The following PGA3 variants were observed in gnomAD, a reference collection of about 807,000 sequenced individuals.
The protein encoded by PGA3 is pepsin A-3.
A neutral mutation model predicts 15.6 loss-of-function variants in PGA3; 1 was observed. The ratio of observed to expected loss-of-function variants is 0.06; its 90% CI spans 0.02 to 0.30. PGA3 has a LOEUF of 0.30. PGA3 is among the 10% of genes least tolerant of loss of function. PGA3 has a pLI of 1.00. For missense variants in PGA3, 29 were observed against 183.7 expected (o/e 0.16, Z 4.87); for synonymous variants, 14 against 79.5 (o/e 0.18, Z 4.38).
chr11:61,204,844 G>T (rs1482708359), intron 2 of PGA3: 1 of 165,146 alleles, frequency 6.1e-6, no homozygotes, highest in East Asian at 1.7e-4. Flanking sequence ...GAGCCGAGGG[G>T]TGGACGCAGA....
At chr11:61,211,682 T>C (rs1379228664) in intron 8 of PGA3, among the ~76,000 whole-genome samples, 3 of 150,352 alleles carry the variant, frequency 2.0e-5, no homozygotes, top group African/African-American at 4.9e-5. Flanking sequence ...AGGATTCTAT[T>C]TGGACCCCTG....
At chr11:61,212,021 C>T (rs370384636) in intron 8 of PGA3, 5,305 of 335,304 alleles carry the variant, frequency 0.016, 19 homozygotes, top group African/African-American at 0.041. Flanking sequence ...ACTCATGTTA[C>T]TCAACAAGAA....
intron 2 of PGA3, chr11:61,204,551 A>T (rs908454657): frequency 1.9e-5 from 10 of 536,146 alleles, no homozygotes; most frequent in Non-Finnish European, 3.1e-5. Flanking sequence ...GAGCAAACTC[A>T]TAGCCTAGGA....
chr11:61,207,343 C>G, intron 3 of PGA3, among the ~76,000 whole-genome samples, 154 bp from the exon 4 acceptor site: 1 of 139,966 alleles, frequency 7.1e-6, no homozygotes, highest in Non-Finnish European at 1.7e-5. Flanking sequence ...AGGACAGAAC[C>G]TGGGGTCTCT....
intron 2 of PGA3, chr11:61,205,889 T>A (rs1853921649): frequency 1.1e-5 from 1 of 89,790 alleles, no homozygotes; most frequent in Admixed American, 1.1e-4. Flanking sequence ...CTCAGCTACT[T>A]GGGAGGTTGA....
rs1853944452 is a variant in PGA3, at chr11:61,211,390, C to T, written c.972C>T (p.Ile324=). 2 of 1,280,350 alleles carry T rather than the reference C, an allele frequency of 1.6e-6. No individual in the cohort carries two copies. Among genetic ancestry groups the T allele is most frequent in the African/African-American group, 3.0e-5 (2 of 67,452 alleles). 79.3% of individuals were successfully genotyped at this position (1,280,350 alleles called of 1,614,324 possible). A position where few individuals can be genotyped will look rare whatever the true frequency, so the allele number is the denominator to read the frequency against. The change falls in exon 8 of 9, where the codon ATC becomes ATT. Residue 324 remains isoleucine (I), a synonymous_variant. Transcript: ENST00000325558. ...ISSLPDIVFT[I]NGVQYPVPPS... ...GCCTGCCCGACATCGTCTTCACCAT[C>T]AATGGAGTCCAGTACCCCGTGCCAC...
At chr11:61,203,818 G>C (rs2134691775) in intron 1 of PGA3, 198 bp downstream of exon 1, 2 of 880,888 alleles carry the variant, frequency 2.3e-6, no homozygotes, top group East Asian at 5.1e-5. Context: ...GTGGTTCCCA[G>C]CTCCAGCCCT....
chr11:61,205,276 G>T (rs1360912974), intron 2 of PGA3, among the ~76,000 whole-genome samples: 2 of 151,826 alleles, frequency 1.3e-5, no homozygotes, highest in Non-Finnish European at 1.5e-5. Flanking sequence ...GGCTTAATTA[G>T]CGCATTTATT....
Position 61,211,637 on chromosome 11 carries a change from G to C in PGA3, c.1017+202G>C, listed in dbSNP as rs1853948821. ...AAGAACTCGGATACAGCCCCCTAAG[G>C]GAACAAGTGAAGCAAAGGTTAATGG... On this transcript the variant is annotated intron_variant, in intron 8 of 8. Transcript: ENST00000325558. Among the ~76,000 whole-genome samples the C allele has an allele frequency of 8.0e-5, 12 of 149,808 alleles. No individual in the cohort carries two copies. In the South Asian group the frequency reaches 2.5e-3, roughly 31 times the overall value.
At chr11:61,205,421 A>G (rs2134693003) in intron 2 of PGA3, among the ~76,000 whole-genome samples, 1 of 152,334 alleles carries the variant, frequency 6.6e-6, no homozygotes, top group Middle Eastern at 3.4e-3. Context: ...CAACCATGTA[A>G]GAGAATTTCA....
rs1455787811 is a variant in PGA3 at position 61,211,523 on chromosome 11, C to G, written c.1017+88C>G. 7 of 1,383,590 alleles carry G rather than the reference C, an allele frequency of 5.1e-6. No homozygotes were observed. In the Admixed American group the frequency reaches 7.7e-5, roughly 15 times the overall value. 85.7% of individuals were successfully genotyped at this position (1,383,590 alleles called of 1,614,324 possible). A position where few individuals can be genotyped will look rare whatever the true frequency, so the allele number is the denominator to read the frequency against. On this transcript the variant is annotated intron_variant, in intron 8 of 8. Coordinates refer to ENST00000325558, the MANE Select transcript of PGA3 (RefSeq NM_001079807.4). ...TCTGCAGACGGAAAGTACACTTCCA[C>G]GAGCTGAAGCCAAGAGGCAGAGGCA...
intron 2 of PGA3, 185 bp from the exon 3 acceptor site, chr11:61,206,325 A>G (rs1200057183): frequency 1.7e-5 from 1 of 58,330 alleles, no homozygotes; most frequent in African/African-American, 7.1e-5. Flanking sequence ...GACTTCAAGG[A>G]GGAAGGGACG....
At position 61,211,851 on chromosome 11, in the gene PGA3, C is replaced by G. The variant is rs1162412341; in HGVS notation, c.1017+416C>G. ...AGTGAGACTGATCACATCAGAGCTACCAAGGGTTGGGCAAATGGAAATCCT... is the reference window on the plus strand; with the variant it reads ...AGTGAGACTGATCACATCAGAGCTAGCAAGGGTTGGGCAAATGGAAATCCT... On this transcript the variant is annotated intron_variant, in intron 8 of 8. Transcript: ENST00000325558. Among the ~76,000 whole-genome samples, 3 of 151,278 alleles carry G rather than the reference C, an allele frequency of 2.0e-5. 1 individual carries two copies. The highest frequency in any genetic ancestry group is 6.6e-5 in the Admixed American group (1 of 15,162).
At chr11:61,203,719 G>A (rs1336069246) in intron 1 of PGA3, 99 bp downstream of exon 1, 10 of 1,597,014 alleles carry the variant, frequency 6.3e-6, no homozygotes, top group Admixed American at 1.7e-5. Flanking sequence ...TCTCTATTCA[G>A]CTGTCTCCAT....
Position 61,203,563 on chromosome 11 carries a change from C to T in PGA3, c.-2C>T, listed in dbSNP as rs1333547098. 5.0e-6 allele frequency: 8 copies of T among 1,611,580 alleles called. No individual in the cohort carries two copies. The Admixed American group carries it at 1.0e-4, about 20-fold the overall frequency. On this transcript the variant is annotated 5_prime_UTR_variant, in exon 1 of 9. Coordinates refer to ENST00000325558, the MANE Select transcript of PGA3 (RefSeq NM_001079807.4). ...CCCTCGAGTTGGGACCCGGGAAGAA[C>T]CATGAAGTGGCTGCTGCTGCTGGGT...
intron 2 of PGA3, among the ~76,000 whole-genome samples, chr11:61,205,250 C>G (rs1853912018): frequency 6.6e-6 from 1 of 151,976 alleles, no homozygotes; most frequent in African/African-American, 2.4e-5. Context: ...TGGGGTCTGC[C>G]AGGCCCTTGG....
At chr11:61,205,529 G>A (rs1221104613) in intron 2 of PGA3, among the ~76,000 whole-genome samples, 2 of 151,780 alleles carry the variant, frequency 1.3e-5, no homozygotes, top group Admixed American at 1.3e-4. Flanking sequence ...CGGAAGGCCT[G>A]TTGGCAGAGG....
chr11:61,211,182 C>G lies in PGA3; in HGVS notation c.866C>G (p.Pro289Arg). Residue 289 changes from proline (P) to arginine (R), a missense_variant, in exon 7 of 9, where the codon CCC becomes CGC. Pro to Arg is a moderately radical substitution (Grantham distance 103). Coordinates refer to ENST00000325558, the MANE Select transcript of PGA3 (RefSeq NM_001079807.4). ...TCTCTGCTGACCGGCCCAACCAGCC[C>G]CATTGCCAACATCCAGAGCGACATC... ...GTSLLTGPTS[P>R]IANIQSDIGA... 2.0e-6 allele frequency: 1 copy of G among 503,772 alleles called. No homozygotes were observed. Among genetic ancestry groups the G allele is most frequent in the African/African-American group, 3.2e-5 (1 of 30,944 alleles). The allele number at this position is 503,772 out of a possible 1,614,324, so 31.2% of individuals were successfully genotyped here. A position where few individuals can be genotyped will look rare whatever the true frequency, so the allele number is the denominator to read the frequency against.
chr11:61,211,235 GT>G lies in PGA3; in HGVS notation c.918+2del. The G allele has an allele frequency of 3.2e-6, 2 of 620,400 alleles. No individual in the cohort carries two copies. Among genetic ancestry groups the G allele is most frequent in the South Asian group, 3.7e-5 (2 of 54,318 alleles). 38.4% of individuals were successfully genotyped at this position (620,400 alleles called of 1,614,324 possible). ...AGCCAGCGAGAACTCAGATGGCGAC[GT>G]GAGTCCAGCCCCGACTGCTCTGTTC... On this transcript the variant is annotated splice_donor_variant, in intron 7 of 8. Transcript: ENST00000325558. LOFTEE classifies it high-confidence loss of function.
Sources: allele counts gnomAD v4.1 joint callset (sites outside exome capture counted in the v4.1 genomes callset), GRCh38; gene constraint gnomAD v4.1.1; transcripts MANE v1.5; gene names NCBI Gene and HGNC (gene_info 2026-07-23, HGNC 2026-07-21).